RGS7: variants seen among roughly 807,000 people sequenced by gnomAD.
RGS7 encodes the protein regulator of G protein signaling 7.
A neutral mutation model predicts 81.1 loss-of-function variants in RGS7; 27 were observed. The ratio of observed to expected loss-of-function variants is 0.33; its 90% CI spans 0.25 to 0.46. The LOEUF (loss-of-function observed/expected upper bound fraction) is 0.46, where lower values mean the gene tolerates loss of function less well. Among genes scored for constraint, RGS7 ranks in the 20% least tolerant of loss-of-function variants. The pLI is 1.00. For synonymous variants in RGS7, 208 were observed against 207.7 expected (o/e 1.00, Z -0.01); for missense variants, 396 against 607.4 (o/e 0.65, Z 3.66).
chr1:240,942,574 GTATC>G (rs1349819691), intron 4 of RGS7, among the ~76,000 whole-genome samples: 3 of 152,132 alleles, frequency 2.0e-5, no homozygotes, highest in African/African-American at 7.2e-5. Context: ...CACAGTATAA[GTATC>G]AGTAGTGTGT....
intron 6 of RGS7, among the ~76,000 whole-genome samples, chr1:240,881,462 C>T (rs914251676): frequency 6.6e-6 from 1 of 152,104 alleles, no homozygotes; most frequent in African/African-American, 2.4e-5. Flanking sequence ...AACAAACCTG[C>T]ACGTTGTGCA....
chr1:241,104,034 A>G (rs1159135777), intron 2 of RGS7, among the ~76,000 whole-genome samples: 2 of 152,242 alleles, frequency 1.3e-5, no homozygotes, highest in Admixed American at 6.5e-5. Flanking sequence ...CTTACAAGCC[A>G]TCTGAACAGG....
chr1:241,115,854 A>G (rs1440372540), intron 2 of RGS7, among the ~76,000 whole-genome samples: 1 of 152,140 alleles, frequency 6.6e-6, no homozygotes, highest in Non-Finnish European at 1.5e-5. Context: ...TCCCCACTCA[A>G]ATCTCATGTC....
intron 2 of RGS7, among the ~76,000 whole-genome samples, chr1:241,344,234 T>C (rs1453772081): frequency 6.6e-6 from 1 of 152,220 alleles, no homozygotes; most frequent in Admixed American, 6.5e-5. Flanking sequence ...GTTTGAACTA[T>C]GCCACAATGA....
At chr1:240,937,195 A>T (rs1267829030) in intron 4 of RGS7, among the ~76,000 whole-genome samples, 4 of 152,204 alleles carry the variant, frequency 2.6e-5, no homozygotes, top group African/African-American at 9.7e-5. Context: ...CAGGACACAG[A>T]AGCAGGGACT....
intron 3 of RGS7, chr1:240,998,776 G>A (rs566613832): frequency 3.1e-5 from 22 of 699,024 alleles, no homozygotes; most frequent in Admixed American, 2.7e-4. Context: ...ATGCAGGCGA[G>A]CTGGGAGACG....
intron 2 of RGS7, among the ~76,000 whole-genome samples, chr1:241,104,594 T>A (rs2102917473): frequency 6.6e-6 from 1 of 152,344 alleles, no homozygotes; most frequent in African/African-American, 2.4e-5. Flanking sequence ...AGATTAAAAA[T>A]TAAATTAAAT....
At chr1:240,832,853 TG>T (rs1329180537) in intron 9 of RGS7, among the ~76,000 whole-genome samples, 1 of 152,150 alleles carries the variant, frequency 6.6e-6, no homozygotes, top group African/African-American at 2.4e-5. Flanking sequence ...ATCATGATTC[TG>T]GGAAAATTCA....
rs527560851 is a variant in RGS7 at position 240,918,823 on chromosome 1, A to G, written c.385+11894T>C. ...GTGCTTAAAACAATTAATATTGATGAGCCTCTAGCCAGGCTAATTAAGAAA... is the reference window on the plus strand; with the variant it reads ...GTGCTTAAAACAATTAATATTGATGGGCCTCTAGCCAGGCTAATTAAGAAA... On this transcript the variant is annotated intron_variant, in intron 6 of 18. Transcript: ENST00000440928. Among the ~76,000 whole-genome samples, 17 of 152,082 alleles carry G rather than the reference A, an allele frequency of 1.1e-4. No homozygotes were observed. In the South Asian group the frequency reaches 1.9e-3, roughly 17 times the overall value.
chr1:241,180,323 T>C (rs1376112416), intron 2 of RGS7, among the ~76,000 whole-genome samples: 1 of 151,864 alleles, frequency 6.6e-6, no homozygotes, highest in Non-Finnish European at 1.5e-5. Flanking sequence ...TGCAGTGAGC[T>C]GAGATGGCGC....
intron 9 of RGS7, among the ~76,000 whole-genome samples, chr1:240,836,991 T>C (rs1338203227): frequency 1.3e-5 from 2 of 152,232 alleles, no homozygotes; most frequent in African/African-American, 4.8e-5. Context: ...CATTCCCTTT[T>C]TATAGACTAG....
chr1:241,222,558 C>T (rs913958035), intron 2 of RGS7, among the ~76,000 whole-genome samples: 4 of 152,110 alleles, frequency 2.6e-5, no homozygotes, highest in Non-Finnish European at 4.4e-5. Flanking sequence ...CAAAGCAGAG[C>T]TCTTGAGCTA....
intron 2 of RGS7, among the ~76,000 whole-genome samples, chr1:241,298,329 T>A (rs1021705371): frequency 1.3e-5 from 2 of 152,210 alleles, no homozygotes; most frequent in African/African-American, 4.8e-5. Context: ...AGGAGACCAG[T>A]ATTCCAAGCC....
chr1:241,037,189 C>T (rs1451266416), intron 3 of RGS7, among the ~76,000 whole-genome samples: 2 of 152,042 alleles, frequency 1.3e-5, no homozygotes, highest in East Asian at 3.9e-4. Context: ...GAGTACACGG[C>T]TAGGAAATAC....
At chr1:241,189,265 G>T (rs2072396562) in intron 2 of RGS7, among the ~76,000 whole-genome samples, 1 of 152,084 alleles carries the variant, frequency 6.6e-6, no homozygotes, top group African/African-American at 2.4e-5. Context: ...GATTTTAATT[G>T]TTATTTCCCT....
chr1:240,806,076 G>T, intron 15 of RGS7, 64 bp downstream of exon 15: 1 of 1,365,966 alleles, frequency 7.3e-7, no homozygotes, highest in South Asian at 1.2e-5. Flanking sequence ...AAAATAAAAT[G>T]AATACATCTA....
At chr1:241,054,137 A>G (rs959410451) in intron 3 of RGS7, among the ~76,000 whole-genome samples, 2 of 152,208 alleles carry the variant, frequency 1.3e-5, no homozygotes, top group Non-Finnish European at 2.9e-5. Context: ...CCTTGATCTC[A>G]CTAGATTTAT....
intron 2 of RGS7, among the ~76,000 whole-genome samples, chr1:241,138,826 TA>T (rs1330870277): frequency 1.3e-5 from 2 of 152,144 alleles, no homozygotes; most frequent in Non-Finnish European, 2.9e-5. Flanking sequence ...ATGCTTTTTT[TA>T]AAAAATATAA....
chr1:240,817,655 T>G (rs1691050144), intron 10 of RGS7, among the ~76,000 whole-genome samples: 1 of 152,112 alleles, frequency 6.6e-6, no homozygotes, highest in Non-Finnish European at 1.5e-5. Context: ...CAGGCTGGAG[T>G]GCAGTGGCGT....
Sources: gnomAD v4.1 joint callset for allele counts (sites outside exome capture counted in the v4.1 genomes callset) on GRCh38, gnomAD v4.1.1 for gene constraint, MANE v1.5 for transcripts, NCBI Gene and HGNC (gene_info 2026-07-23, HGNC 2026-07-21) for gene names.